RILPL1: variants seen among roughly 807,000 people sequenced by gnomAD.
RILPL1 encodes the protein Rab interacting lysosomal protein like 1, also known as RILP-like protein 1.
A neutral mutation model predicts 50.3 loss-of-function variants in RILPL1; 33 were observed. The observed-to-expected ratio is 0.66, with a 90% CI of 0.50 to 0.88. RILPL1 has a LOEUF of 0.88. Among genes scored for constraint, RILPL1 ranks in the 40% least tolerant of loss-of-function variants. The pLI, the probability that RILPL1 is intolerant of heterozygous loss-of-function variation, is 0.00. For synonymous variants in RILPL1, 205 were observed against 228.6 expected (o/e 0.90, Z 0.93); for missense variants, 418 against 542.5 (o/e 0.77, Z 2.28).
Position 123,498,785 on chromosome 12 carries a change from A to G in RILPL1, c.580-20T>C, listed in dbSNP as rs745758439. On this transcript the variant is annotated intron_variant, in intron 3 of 6. Coordinates refer to ENST00000376874, the MANE Select transcript of RILPL1 (RefSeq NM_178314.5). This position sits in a 1 kb window ranked among gnomAD's most constrained non-coding sequence, Gnocchi z 4.3. ...CTGTAACTGTAGAAAAAGGGAGACC[A>G]TTGTGCGGGGCTGCCACCTGCGGTA... 1.2e-6 allele frequency: 2 copies of G among 1,608,422 alleles called. No homozygotes were observed. The highest frequency in any genetic ancestry group is 1.3e-5 in the African/African-American group (1 of 74,904).
chr12:123,496,870 G>A (rs1593557170), intron 4 of RILPL1, among the ~76,000 whole-genome samples: 1 of 152,166 alleles, frequency 6.6e-6, no homozygotes. Context: ...AGTGTTGTGC[G>A]ACCATCACCG....
Position 123,484,174 on chromosome 12 carries a change from A to G in RILPL1, c.1067+6T>C. 1 of 1,597,732 alleles carries G rather than the reference A, an allele frequency of 6.3e-7. No homozygotes were observed. The highest frequency in any genetic ancestry group is 8.6e-7 in the Non-Finnish European group (1 of 1,166,614). ...CGAGCGCAGAAGCTGGCAGCGCATC[A>G]CTTACAGTCGCTTGATGCCCGACTC... On this transcript the variant is annotated splice_donor_region_variant and intron_variant, in intron 6 of 6. Coordinates refer to ENST00000376874, the MANE Select transcript of RILPL1 (RefSeq NM_178314.5).
intron 2 of RILPL1, among the ~76,000 whole-genome samples, chr12:123,512,346 G>A (rs1884365116): frequency 7.2e-6 from 1 of 139,094 alleles, no homozygotes. Flanking sequence ...GGTGTGTGAG[G>A]TCTGTATGTG....
Position 123,471,584 on chromosome 12 carries a change from T to C in RILPL1, c.*954A>G, listed in dbSNP as rs1881192410. On this transcript the variant is annotated 3_prime_UTR_variant, in exon 7 of 7. Transcript: ENST00000376874. ...GCATCTGGCTCTCTGTCTGCTGCTA[T>C]AGCCCTGTGAGTCAGCCAGACGTGT... 1 of 152,190 alleles carries C rather than the reference T, an allele frequency of 6.6e-6. No homozygotes were observed. Among genetic ancestry groups the C allele is most frequent in the Non-Finnish European group, 1.5e-5 (1 of 68,102 alleles). The allele number at this position is 152,190 out of a possible 1,614,324, so 9.4% of individuals were successfully genotyped here. A position where few individuals can be genotyped will look rare whatever the true frequency, so the allele number is the denominator to read the frequency against.
At chr12:123,472,808 G>A in intron 6 of RILPL1, 126 bp from the exon 7 acceptor site, 1 of 1,026,590 alleles carries the variant, frequency 9.7e-7, no homozygotes, top group Non-Finnish European at 1.4e-6. Context: ...AGGTGTGAAA[G>A]ACAAAGTTGG....
intron 1 of RILPL1, among the ~76,000 whole-genome samples, chr12:123,532,116 T>C (rs1160599610): frequency 6.6e-6 from 1 of 152,170 alleles, no homozygotes; most frequent in African/African-American, 2.4e-5. Context: ...CAATAAGGGA[T>C]GGCCTGCCCC....
At chr12:123,502,376 T>C (rs1227815588) in intron 2 of RILPL1, among the ~76,000 whole-genome samples, 1 of 152,242 alleles carries the variant, frequency 6.6e-6, no homozygotes, top group African/African-American at 2.4e-5. Flanking sequence ...AGCTGTCGTT[T>C]TTCCAGAGTC....
chr12:123,474,969 T>A (rs1222644212), intron 6 of RILPL1: 1 of 152,366 alleles, frequency 6.6e-6, no homozygotes, highest in Non-Finnish European at 1.5e-5. Context: ...GCAAGCCAAG[T>A]TTATCTGATG....
chr12:123,511,402 G>A (rs1453617516), intron 2 of RILPL1, among the ~76,000 whole-genome samples: 4 of 144,180 alleles, frequency 2.8e-5, no homozygotes, highest in Admixed American at 7.0e-5. Flanking sequence ...TGTGAGGTCT[G>A]TGTGTGTGAG....
intron 1 of RILPL1, among the ~76,000 whole-genome samples, chr12:123,530,763 T>C (rs1467727695): frequency 6.6e-6 from 1 of 152,184 alleles, no homozygotes; most frequent in Non-Finnish European, 1.5e-5. Flanking sequence ...CTGCCTGACA[T>C]GAGACTTTGC....
At chr12:123,494,661 C>T (rs535798936) in intron 4 of RILPL1, among the ~76,000 whole-genome samples, 3 of 152,130 alleles carry the variant, frequency 2.0e-5, no homozygotes, top group Admixed American at 2.0e-4. Context: ...AGGTGGCGAC[C>T]GCACCACCCT....
intron 2 of RILPL1, among the ~76,000 whole-genome samples, chr12:123,507,391 C>T (rs1013933826): frequency 6.6e-6 from 1 of 151,384 alleles, no homozygotes; most frequent in Non-Finnish European, 1.5e-5. Context: ...AGGGAGACCT[C>T]GTCTCTACAA....
At chr12:123,509,328 C>T (rs1218694701) in intron 2 of RILPL1, among the ~76,000 whole-genome samples, 1 of 152,178 alleles carries the variant, frequency 6.6e-6, no homozygotes, top group African/African-American at 2.4e-5. Context: ...CTTTGGGAGG[C>T]TGAGGCAGGT....
intron 1 of RILPL1, among the ~76,000 whole-genome samples, chr12:123,526,403 T>A (rs1253154858): frequency 6.6e-6 from 1 of 152,222 alleles, no homozygotes; most frequent in Non-Finnish European, 1.5e-5. Flanking sequence ...GAATCCTGTT[T>A]CTGCTGCTTA....
At chr12:123,532,546 T>C (rs1233110512) in intron 1 of RILPL1, among the ~76,000 whole-genome samples, 1 of 152,142 alleles carries the variant, frequency 6.6e-6, no homozygotes, top group Non-Finnish European at 1.5e-5. Context: ...TATAGAGTCC[T>C]GTGAGGATTA....
intron 2 of RILPL1, chr12:123,514,557 G>T (rs1884584733): frequency 6.6e-6 from 1 of 151,970 alleles, no homozygotes. Flanking sequence ...CTCCCGAGTA[G>T]CTGGGATTAC....
intron 4 of RILPL1, among the ~76,000 whole-genome samples, chr12:123,487,428 G>A (rs778489253): frequency 5.3e-5 from 8 of 151,906 alleles, no homozygotes; most frequent in South Asian, 2.1e-4. Flanking sequence ...TCAGCCTCCC[G>A]AGTAGCTAGC....
intron 2 of RILPL1, among the ~76,000 whole-genome samples, chr12:123,504,475 G>C (rs1266264990): frequency 6.6e-6 from 1 of 152,108 alleles, no homozygotes; most frequent in Non-Finnish European, 1.5e-5. Flanking sequence ...CCTGGGTCCT[G>C]AGCTTGAGCT....
At chr12:123,499,958 G>A (rs1450274223) in intron 2 of RILPL1, among the ~76,000 whole-genome samples, 3 of 149,698 alleles carry the variant, frequency 2.0e-5, no homozygotes, top group African/African-American at 7.4e-5. Context: ...TTGAGACGGA[G>A]TCTCGCTCTG....
Sources: allele counts gnomAD v4.1 joint callset (sites outside exome capture counted in the v4.1 genomes callset), GRCh38; gene constraint gnomAD v4.1.1; non-coding constraint Gnocchi (gnomAD v3.1); transcripts MANE v1.5; gene names NCBI Gene and HGNC (gene_info 2026-07-23, HGNC 2026-07-21).